Variants in LRRFIP1 observed in about 807,000 individuals in gnomAD.
LRRFIP1 encodes the protein leucine-rich repeat flightless-interacting protein 1.
Under a neutral mutation model 104.4 loss-of-function variants are expected in LRRFIP1, and 62 were observed. That is an observed-to-expected ratio of 0.59 (90% CI 0.48 to 0.73). The LOEUF (loss-of-function observed/expected upper bound fraction) is 0.73, where lower values mean the gene tolerates loss of function less well. LRRFIP1 is among the 30% of genes least tolerant of loss of function. The pLI is 0.00. For missense variants in LRRFIP1, 796 were observed against 824.5 expected (o/e 0.97, Z 0.42); for synonymous variants, 300 against 299.0 (o/e 1.00, Z -0.03).
At chr2:237,755,627 T>G (rs2059177597) in intron 15 of LRRFIP1, among the ~76,000 whole-genome samples, 1 of 152,226 alleles carries the variant, frequency 6.6e-6, no homozygotes, top group Non-Finnish European at 1.5e-5. Context: ...GAGGAATCTG[T>G]TTGTGTTGTT....
At chr2:237,647,205 C>T in intron 1 of LRRFIP1, among the ~76,000 whole-genome samples, 1 of 151,974 alleles carries the variant, frequency 6.6e-6, no homozygotes, top group East Asian at 1.9e-4. Flanking sequence ...TCTGAAGACC[C>T]ATAGGCCTAC....
chr2:237,728,083 T>A (rs917998321), intron 8 of LRRFIP1, 148 bp downstream of exon 8: 7 of 597,256 alleles, frequency 1.2e-5, no homozygotes, highest in Non-Finnish European at 2.1e-5. Flanking sequence ...TAGCACATGA[T>A]GGAATGAAAG....
At chr2:237,770,502 A>G (rs1264627108) in intron 20 of LRRFIP1, 1 of 155,942 alleles carries the variant, frequency 6.4e-6, no homozygotes, top group Non-Finnish European at 1.4e-5. Flanking sequence ...TCCTACCTCA[A>G]GAAGTAGCAG....
rs556146078 is a variant in LRRFIP1 at position 237,692,185 on chromosome 2, C to T, written c.97-16359C>T. The T allele has an allele frequency of 1.7e-4, 172 of 1,039,122 alleles. 2 individuals are homozygous for T. In the South Asian group the frequency reaches 6.6e-3, roughly 40 times the overall value. The allele number at this position is 1,039,122 out of a possible 1,614,324, so 64.4% of individuals were successfully genotyped here. On this transcript the variant is annotated intron_variant, in intron 1 of 23. Transcript: ENST00000308482. ...CGGGCCGTGGGACGGGCGGAGGCGC[C>T]CGAGTCCCGCTTCCCCGGCGCCCTT...
intron 1 of LRRFIP1, among the ~76,000 whole-genome samples, chr2:237,653,063 C>G (rs1296156684): frequency 6.6e-6 from 1 of 152,146 alleles, no homozygotes; most frequent in African/African-American, 2.4e-5. Context: ...TGCTTGCTTC[C>G]CCTTTACCCT....
At chr2:237,729,872 T>C (rs1323084648) in intron 8 of LRRFIP1, 1 of 970,322 alleles carries the variant, frequency 1.0e-6, no homozygotes, top group Non-Finnish European at 1.2e-6. Flanking sequence ...TTTCACATTC[T>C]CTTCAGAAAC....
At chr2:237,713,473 T>C (rs1349448252) in intron 2 of LRRFIP1, among the ~76,000 whole-genome samples, 2 of 152,220 alleles carry the variant, frequency 1.3e-5, no homozygotes, top group Admixed American at 6.5e-5. Flanking sequence ...GCTGCTGACT[T>C]GATAAACATT....
In LRRFIP1 at chr2:237,749,201, G is replaced by A. The variant is rs2058271149; in HGVS notation, c.672G>A (p.Gly224=). ...ATGTGATCCTCTCAACGTTCCAGGG[G>A]TCTCGTAACATGCCGGGCCTGTCTG... The part of the protein sequence containing the change: ...ERPEKDFTEK[G]SRNMPGLSAA... Residue 224 remains glycine (G), a splice_region_variant and synonymous_variant, in exon 13 of 24, where the codon GGG becomes GGA. Transcript: ENST00000308482. 2 of 1,612,886 alleles carry A rather than the reference G, an allele frequency of 1.2e-6. No individual in the cohort carries two copies. The highest frequency in any genetic ancestry group is 2.7e-5 in the African/African-American group (2 of 74,938).
intron 1 of LRRFIP1, among the ~76,000 whole-genome samples, chr2:237,676,447 T>C (rs925645980): frequency 6.6e-6 from 1 of 152,208 alleles, no homozygotes; most frequent in African/African-American, 2.4e-5. Flanking sequence ...CTTTCCATTT[T>C]CATGAATTGC....
At chr2:237,692,554 G>T in intron 1 of LRRFIP1, 2 of 1,488,830 alleles carry the variant, frequency 1.3e-6, no homozygotes, top group Non-Finnish European at 9.0e-7. Flanking sequence ...ACTTTCTTTC[G>T]TGACTGCGGC....
At chr2:237,743,878 A>G (rs1449791906) in intron 11 of LRRFIP1, among the ~76,000 whole-genome samples, 2 of 152,176 alleles carry the variant, frequency 1.3e-5, no homozygotes, top group Non-Finnish European at 2.9e-5. Context: ...TGGGTCATCC[A>G]GGCCCCAAAA....
rs530400135 is a variant in LRRFIP1, at chr2:237,703,162, A to G, written c.97-5382A>G. On this transcript the variant is annotated intron_variant, in intron 1 of 23. Transcript: ENST00000308482. This position sits in a 1 kb window ranked among gnomAD's most constrained non-coding sequence, Gnocchi z 4.3. ...GATCCAGCAAGCTCGGATGGGAGGG[A>G]AAGAATGACTCAACCTGCAGGCCGT... 2.6e-5 allele frequency among the ~76,000 whole-genome samples: 4 copies of G among 152,188 alleles called. No individual in the cohort carries two copies. In the East Asian group the frequency reaches 7.7e-4, roughly 29 times the overall value.
rs1354413638 is a variant in LRRFIP1, at chr2:237,692,550, T to C, written c.97-15994T>C. On this transcript the variant is annotated intron_variant, in intron 1 of 23. Transcript: ENST00000308482. ...AGAGGAAAGCGCTTCCGAAACTTTC[T>C]TTCGTGACTGCGGCGGGGTTTCAGG... is the stretch of plus-strand genomic sequence containing the variant. The C allele has an allele frequency of 3.3e-6, 5 of 1,496,728 alleles. No individual in the cohort carries two copies. In the South Asian group the frequency reaches 6.3e-5, roughly 19 times the overall value. The allele number at this position is 1,496,728 out of a possible 1,614,324, so 92.7% of individuals were successfully genotyped here. A position where few individuals can be genotyped will look rare whatever the true frequency, so the allele number is the denominator to read the frequency against.
At chr2:237,736,890 G>T (rs192399827) in intron 10 of LRRFIP1, among the ~76,000 whole-genome samples, 1 of 152,262 alleles carries the variant, frequency 6.6e-6, no homozygotes, top group East Asian at 1.9e-4. Flanking sequence ...CCTCCAAGTG[G>T]ATACTCCGTT....
At position 237,733,780 on chromosome 2, in the gene LRRFIP1, T is replaced by G. The variant is rs756537103; in HGVS notation, c.451T>G (p.Cys151Gly). ...SLNRRSGRPS[C>G]LYSAARPSGS... ...ATTTGCTTTCATCCTCCAGCCCTCC[T>G]GTCTGTACAGCGCTGCCCGGCCTTC... Residue 151 changes from cysteine (C) to glycine (G), a missense_variant, in exon 9 of 24, where the codon TGT becomes GGT. Physicochemically the swap from Cys to Gly is radical, Grantham distance 159. Transcript: ENST00000308482. 4.3e-6 allele frequency: 7 copies of G among 1,614,052 alleles called. No individual in the cohort carries two copies. The Admixed American group carries it at 1.2e-4, about 27-fold the overall frequency.
chr2:237,726,333 A>G (rs1423704013), intron 7 of LRRFIP1, among the ~76,000 whole-genome samples: 1 of 152,198 alleles, frequency 6.6e-6, no homozygotes, highest in African/African-American at 2.4e-5. Context: ...ATCTGGATTT[A>G]TAATCTGTCT....
intron 23 of LRRFIP1, among the ~76,000 whole-genome samples, chr2:237,778,069 A>G (rs1428010308): frequency 2.0e-5 from 3 of 152,288 alleles, no homozygotes; most frequent in Admixed American, 1.3e-4. Context: ...GTATCTGACA[A>G]CTGAAACATG....
Position 237,627,621 on chromosome 2 carries a change from C to G in LRRFIP1, c.-24C>G. The G allele has an allele frequency of 7.9e-7, 1 of 1,272,610 alleles. No individual in the cohort carries two copies. The highest frequency in any genetic ancestry group is 1.0e-6 in the Non-Finnish European group (1 of 995,080). 78.8% of individuals were successfully genotyped at this position (1,272,610 alleles called of 1,614,324 possible). The stretch of plus-strand genomic sequence containing the variant: ...CGAGCGGCTGGAGCAACGGGCCCCG[C>G]GGCAGCTGCGGGCGACGCGGTCGAT... On this transcript the variant is annotated 5_prime_UTR_variant, in exon 1 of 24. Coordinates refer to ENST00000308482, the MANE Select transcript of LRRFIP1 (RefSeq NM_001137550.2).
intron 1 of LRRFIP1, among the ~76,000 whole-genome samples, chr2:237,668,799 T>A (rs548783973): frequency 6.6e-6 from 1 of 152,268 alleles, no homozygotes; most frequent in Admixed American, 6.5e-5. Flanking sequence ...AAGAAAATAT[T>A]TATTATATTA....
Sources: gnomAD v4.1 joint callset for allele counts (sites outside exome capture counted in the v4.1 genomes callset) on GRCh38, gnomAD v4.1.1 for gene constraint, Gnocchi (gnomAD v3.1) non-coding constraint, MANE v1.5 for transcripts, NCBI Gene and HGNC (gene_info 2026-07-23, HGNC 2026-07-21) for gene names.